Variants in SH3BP4 observed in about 807,000 individuals in gnomAD.
SH3BP4 encodes the protein SH3 domain binding protein 4, also known as SH3 domain-binding protein 4.
In SH3BP4, 33 loss-of-function variants were observed where a neutral mutation model predicts 65.5. That is an observed-to-expected ratio of 0.50 (90% confidence interval 0.38 to 0.67). The LOEUF is 0.67. SH3BP4 is among the 30% of genes least tolerant of loss of function. The probability of loss-of-function intolerance (pLI) is 0.00; values close to 1 mark genes in which losing one functional copy is unlikely to be tolerated. For missense variants in SH3BP4, 1,134 were observed against 1,261.4 expected (o/e 0.90, Z 1.53); for synonymous variants, 552 against 545.5 (o/e 1.01, Z -0.17).
chr2:235,010,074 CCCCCAAACTACTGAGGGTGTATCAT>C (rs138695016), intron 2 of SH3BP4, among the ~76,000 whole-genome samples: 16,198 of 152,094 alleles, frequency 0.11, 1,301 homozygotes, highest in East Asian at 0.28. Context: ...TCCCCGGGAT[CCCCCAAACTACTGAGGGTGTATCAT>C]CCCCTCCTTG....
intron 2 of SH3BP4, among the ~76,000 whole-genome samples, chr2:235,001,024 G>A (rs139107810): frequency 5.5e-4 from 84 of 152,326 alleles, no homozygotes; most frequent in African/African-American, 1.9e-3. Context: ...CCGTTTACAC[G>A]GTGCCCACTT....
rs1458601590 is a variant in SH3BP4, at chr2:235,033,346, C to T, written c.-132-1525C>T. On this transcript the variant is annotated intron_variant, in intron 2 of 5. Coordinates refer to ENST00000392011, the MANE Select transcript of SH3BP4 (RefSeq NM_014521.3). This position sits in a 1 kb window ranked among gnomAD's most constrained non-coding sequence, Gnocchi z 5.7. ...CTCTCTGGTGTCTCAAATAAAGGCG[C>T]TGATCTGATCATGAGGACCCCACCT... is the stretch of plus-strand genomic sequence containing the variant. 6.6e-6 allele frequency among the ~76,000 whole-genome samples: 1 copy of T among 152,240 alleles called. No homozygotes were observed. Among genetic ancestry groups the T allele is most frequent in the Non-Finnish European group, 1.5e-5 (1 of 68,046 alleles).
chr2:235,013,582 T>G (rs1472623857), intron 2 of SH3BP4, among the ~76,000 whole-genome samples: 2 of 150,778 alleles, frequency 1.3e-5, no homozygotes, highest in Non-Finnish European at 3.0e-5. Context: ...AGGAACTTGA[T>G]TTTCTGGGGA....
At chr2:234,986,040 G>A (rs1186315764) in intron 1 of SH3BP4, among the ~76,000 whole-genome samples, 1 of 151,532 alleles carries the variant, frequency 6.6e-6, no homozygotes, top group African/African-American at 2.4e-5. Context: ...AGGTGTACCA[G>A]CCCTTGATAT....
At chr2:235,012,065 C>T (rs1307651591) in intron 2 of SH3BP4, among the ~76,000 whole-genome samples, 2 of 152,240 alleles carry the variant, frequency 1.3e-5, no homozygotes, top group Non-Finnish European at 2.9e-5. Context: ...TGCCCGCACA[C>T]TCAGTGTGGA....
At chr2:234,988,575 G>A (rs1693654081) in intron 1 of SH3BP4, among the ~76,000 whole-genome samples, 1 of 152,178 alleles carries the variant, frequency 6.6e-6, no homozygotes, top group South Asian at 2.1e-4. Flanking sequence ...GGTGTAGTGG[G>A]CCCTGTGTCT....
chr2:235,055,283 TC>T lies in SH3BP4; in HGVS notation c.*1469del, dbSNP rs1239454270. 6.6e-6 allele frequency: 1 copy of T among 152,414 alleles called. No homozygotes were observed. The highest frequency in any genetic ancestry group is 2.4e-5 in the African/African-American group (1 of 41,452). 9.4% of individuals were successfully genotyped at this position (152,414 alleles called of 1,614,324 possible). A position where few individuals can be genotyped will look rare whatever the true frequency, so the allele number is the denominator to read the frequency against. ...AACTGCTTTCTTGAAACATGTTACTTCCTTAGTATAATCAATGTATACTCCC... is the reference window on the plus strand; with the variant it reads ...AACTGCTTTCTTGAAACATGTTACTTCTTAGTATAATCAATGTATACTCCC... On this transcript the variant is annotated 3_prime_UTR_variant, in exon 6 of 6. Transcript: ENST00000392011.
intron 2 of SH3BP4, among the ~76,000 whole-genome samples, chr2:235,027,701 C>G (rs1409046476): frequency 6.6e-6 from 1 of 152,192 alleles, no homozygotes; most frequent in Non-Finnish European, 1.5e-5. Flanking sequence ...GGAGCAAGGG[C>G]AGCATTTATG....
rs1458537487 is a variant in SH3BP4 at position 235,005,651 on chromosome 2, G to A, written c.-133+10275G>A. 2.6e-5 allele frequency among the ~76,000 whole-genome samples: 4 copies of A among 152,144 alleles called. No individual in the cohort carries two copies. The South Asian group carries it at 6.2e-4, about 24-fold the overall frequency. On this transcript the variant is annotated intron_variant, in intron 2 of 5. Transcript: ENST00000392011. ...CTTAGTTGTTGATCTTGGCTTCCTC[G>A]TGTCCAGGCTACAGGCTGACCTCTC...
In SH3BP4 at chr2:235,053,656, G is replaced by A. The variant is rs753252621; in HGVS notation, c.2732G>A (p.Arg911Gln). 1.9e-5 allele frequency: 30 copies of A among 1,614,016 alleles called. No individual in the cohort carries two copies. Among genetic ancestry groups the A allele is most frequent in the Admixed American group, 3.3e-5 (2 of 59,994 alleles). Residue 911 changes from arginine to glutamine, a missense_variant, in exon 6 of 6, where the codon CGG (arginine) becomes CAG (glutamine). Physicochemically the swap from Arg to Gln is conservative, Grantham distance 43. Transcript: ENST00000392011. Reference sequence around the variant, plus strand: ...AGCCATCAGATCGGGGACAGCTACCGGGATGTCATCCAGGAGCTGCACCTG... The same window carrying A: ...AGCCATCAGATCGGGGACAGCTACCAGGATGTCATCCAGGAGCTGCACCTG... The part of the protein sequence containing the change: ...TWSHQIGDSY[R>Q]DVIQELHLGL...
At chr2:234,998,849 G>C (rs1036223281) in intron 2 of SH3BP4, among the ~76,000 whole-genome samples, 4 of 152,212 alleles carry the variant, frequency 2.6e-5, no homozygotes, top group Non-Finnish European at 4.4e-5. Flanking sequence ...AGAAACTAAG[G>C]CCAGCGTCCT....
intron 2 of SH3BP4, among the ~76,000 whole-genome samples, chr2:235,003,579 G>A (rs985501639): frequency 6.6e-6 from 1 of 152,216 alleles, no homozygotes; most frequent in Admixed American, 6.5e-5. Flanking sequence ...GGGGTGGAGG[G>A]GGTCAAATCT....
In SH3BP4 at chr2:235,026,527, C is replaced by T. The variant is rs1365102144; in HGVS notation, c.-132-8344C>T. Among the ~76,000 whole-genome samples the T allele has an allele frequency of 2.0e-5, 3 of 152,166 alleles. No homozygotes were observed. The highest frequency in any genetic ancestry group is 4.4e-5 in the Non-Finnish European group (3 of 68,028). On this transcript the variant is annotated intron_variant, in intron 2 of 5. Transcript: ENST00000392011. The surrounding 1 kb of genome is among the most constrained non-coding windows in gnomAD (Gnocchi z 4.6). ...TTCTTTTGTTGATTTGTCTCCAATA[C>T]GGGTTCCCTCAAAACCAACTCTCTT...
Position 234,974,263 on chromosome 2 carries a change from G to C in SH3BP4, c.-206-21040G>C, listed in dbSNP as rs1205017082. 1.3e-5 allele frequency among the ~76,000 whole-genome samples: 2 copies of C among 152,118 alleles called. No homozygotes were observed. The highest frequency in any genetic ancestry group is 2.9e-5 in the Non-Finnish European group (2 of 68,028). ...ACCTGTAATCCCAACTACTCAGGAG[G>C]CTGAAGCAGGAGAATCACTTGAACC... On this transcript the variant is annotated intron_variant, in intron 1 of 5. Coordinates refer to ENST00000392011, the MANE Select transcript of SH3BP4 (RefSeq NM_014521.3). The surrounding 1 kb of genome is among the most constrained non-coding windows in gnomAD (Gnocchi z 4.6).
At position 234,993,917 on chromosome 2, in the gene SH3BP4, C is replaced by T. The variant is rs1693832490; in HGVS notation, c.-206-1386C>T. Among the ~76,000 whole-genome samples, 4 of 152,360 alleles carry T rather than the reference C, an allele frequency of 2.6e-5. No homozygotes were observed. In the South Asian group the frequency reaches 8.3e-4, roughly 32 times the overall value. Reference sequence around the variant, plus strand: ...GTGGCACCTGCAGTCCCGCCTGTCTCTTCCCACCCTTTGTTTTTGTCTTCT... The same window carrying T: ...GTGGCACCTGCAGTCCCGCCTGTCTTTTCCCACCCTTTGTTTTTGTCTTCT... On this transcript the variant is annotated intron_variant, in intron 1 of 5. Transcript: ENST00000392011.
chr2:235,026,224 C>T lies in SH3BP4; in HGVS notation c.-132-8647C>T, dbSNP rs1694996957. Among the ~76,000 whole-genome samples, 1 of 152,156 alleles carries T rather than the reference C, an allele frequency of 6.6e-6. No individual in the cohort carries two copies. Among genetic ancestry groups the T allele is most frequent in the Admixed American group, 6.5e-5 (1 of 15,282 alleles). On this transcript the variant is annotated intron_variant, in intron 2 of 5. Transcript: ENST00000392011. This position sits in a 1 kb window ranked among gnomAD's most constrained non-coding sequence, Gnocchi z 4.6. Reference sequence around the variant, plus strand: ...GATTCACACGCCCTCCCCTCCTCTTCCTGACCTGTCGGGGGATCCCCAGCC... The same window carrying T: ...GATTCACACGCCCTCCCCTCCTCTTTCTGACCTGTCGGGGGATCCCCAGCC...
At chr2:234,984,657 C>CT in intron 1 of SH3BP4, among the ~76,000 whole-genome samples, 1 of 152,306 alleles carries the variant, frequency 6.6e-6, no homozygotes, top group Non-Finnish European at 1.5e-5. Flanking sequence ...CCAGAACCGA[C>CT]TGAGTGCTCA....
In SH3BP4 at chr2:234,997,788, C is replaced by A. The variant is rs751641401; in HGVS notation, c.-133+2412C>A. Among the ~76,000 whole-genome samples the A allele has an allele frequency of 1.4e-4, 22 of 152,080 alleles. No individual in the cohort carries two copies. Among genetic ancestry groups the A allele is most frequent in the Non-Finnish European group, 1.6e-4 (11 of 68,006 alleles). ...AACTCATCTCAGAGTACTCAGAAACCCAGAATACTTCATTCAAGTTCAAGT... is the reference window on the plus strand; with the variant it reads ...AACTCATCTCAGAGTACTCAGAAACACAGAATACTTCATTCAAGTTCAAGT... On this transcript the variant is annotated intron_variant, in intron 2 of 5. Transcript: ENST00000392011. This position sits in a 1 kb window ranked among gnomAD's most constrained non-coding sequence, Gnocchi z 4.2.
intron 2 of SH3BP4, among the ~76,000 whole-genome samples, chr2:235,023,233 G>C (rs575654942): frequency 9.2e-5 from 14 of 152,156 alleles, no homozygotes; most frequent in South Asian, 8.3e-4. Flanking sequence ...TGGAATCAAG[G>C]CCTCATATTT....
Sources: gnomAD v4.1 joint callset for allele counts (sites outside exome capture counted in the v4.1 genomes callset) on GRCh38, gnomAD v4.1.1 for gene constraint, Gnocchi (gnomAD v3.1) non-coding constraint, MANE v1.5 for transcripts, NCBI Gene and HGNC (gene_info 2026-07-23, HGNC 2026-07-21) for gene names.